The following PABPC1 variants were observed in gnomAD, a reference collection of about 807,000 sequenced individuals.
PABPC1 encodes the protein polyadenylate-binding protein 1.
Under a neutral mutation model 74.0 loss-of-function variants are expected in PABPC1, and 4 were observed. The ratio of observed to expected loss-of-function variants is 0.05; its 90% CI spans 0.03 to 0.12. The LOEUF is 0.12. PABPC1 is among the 10% of genes least tolerant of loss of function. PABPC1 has a pLI of 1.00. For missense variants in PABPC1, 271 were observed against 821.1 expected (o/e 0.33, Z 8.19); for synonymous variants, 227 against 264.1 (o/e 0.86, Z 1.36).
intron 4 of PABPC1, among the ~76,000 whole-genome samples, chr8:100,714,678 G>A (rs575023875): frequency 6.4e-4 from 97 of 152,166 alleles, no homozygotes; most frequent in African/African-American, 2.3e-3. Flanking sequence ...ACAATGAGCC[G>A]AGATCACGTG....
chr8:100,715,158 CAT>C (rs1189307757), intron 4 of PABPC1, among the ~76,000 whole-genome samples: 1,179 of 76,162 alleles, frequency 0.015, 7 homozygotes, highest in East Asian at 0.029. Context: ...CACACACACA[CAT>C]ATATATCTCC....
At chr8:100,704,054 C>CAAAAAA (rs34116624) in intron 14 of PABPC1, 14 of 177,840 alleles carry the variant, frequency 7.9e-5, no homozygotes, top group African/African-American at 3.5e-4. Context: ...AACTCCATCT[C>CAAAAAA]AAAAAAAAAA....
rs755829012 is a variant in PABPC1 at position 100,717,905 on chromosome 8, AC to A, written c.388-18del. 5 of 1,457,698 alleles carry A rather than the reference AC, an allele frequency of 3.4e-6. No individual in the cohort carries two copies. In the East Asian group the frequency reaches 9.6e-5, roughly 28 times the overall value. The allele number at this position is 1,457,698 out of a possible 1,614,324, so 90.3% of individuals were successfully genotyped here. A position where few individuals can be genotyped will look rare whatever the true frequency, so the allele number is the denominator to read the frequency against. On this transcript the variant is annotated intron_variant, in intron 2 of 14. Transcript: ENST00000318607. ...ACAAACCACCTAGGGAAAAACATAT[AC>A]CCATTTTTCTTTATTTGCTATTGAT...
At chr8:100,704,043 A>G in intron 14 of PABPC1, 1 of 371,546 alleles carries the variant, frequency 2.7e-6, no homozygotes, top group Non-Finnish European at 4.8e-6. Flanking sequence ...CGACAGAACG[A>G]AACTCCATCT....
intron 9 of PABPC1, 118 bp from the exon 10 acceptor site, chr8:100,707,115 T>A (rs1478603521): frequency 4.4e-6 from 3 of 674,322 alleles, no homozygotes; most frequent in African/African-American, 3.6e-5. Context: ...CAAAACTTTT[T>A]AAAGCTGAGT....
At position 100,713,229 on chromosome 8, in the gene PABPC1, C is replaced by T. The variant is rs1397334489; in HGVS notation, c.644-48G>A. ...TCAAAGATATTCCATACAACATTCACGTTATACATTTCAAATTTCAACATA... is the reference window on the plus strand; with the variant it reads ...TCAAAGATATTCCATACAACATTCATGTTATACATTTCAAATTTCAACATA... On this transcript the variant is annotated intron_variant, in intron 4 of 14. Transcript: ENST00000318607. The T allele has an allele frequency of 6.4e-6, 7 of 1,090,702 alleles. 1 individual carries two copies. Among genetic ancestry groups the T allele is most frequent in the South Asian group, 3.4e-5 (2 of 59,208 alleles). 67.6% of individuals were successfully genotyped at this position (1,090,702 alleles called of 1,614,324 possible).
intron 7 of PABPC1, among the ~76,000 whole-genome samples, chr8:100,710,258 G>A (rs1225498636): frequency 5.3e-5 from 8 of 152,178 alleles, no homozygotes; most frequent in South Asian, 2.1e-4. Context: ...CACTCAAGAG[G>A]AAGGTTCTTC....
intron 12 of PABPC1, among the ~76,000 whole-genome samples, chr8:100,705,356 T>C (rs953224584): frequency 3.9e-5 from 6 of 152,262 alleles, no homozygotes; most frequent in African/African-American, 1.4e-4. Context: ...CTCAAAAATG[T>C]AGTGAGGGCC....
intron 2 of PABPC1, 30 bp from the exon 3 acceptor site, chr8:100,717,918 T>C: frequency 3.4e-6 from 5 of 1,459,064 alleles, no homozygotes; most frequent in Non-Finnish European, 4.8e-6. Context: ...CATTTTTCTT[T>C]ATTTGCTATT....
Position 100,709,113 on chromosome 8 carries a change from T to G in PABPC1, c.1336+20A>C. Reference sequence around the variant, plus strand: ...TTTTTAACTCAATCCCCAACCTTAATTAAAAGAAAAAAGACTTACGATGAG... The same window carrying G: ...TTTTTAACTCAATCCCCAACCTTAAGTAAAAGAAAAAAGACTTACGATGAG... On this transcript the variant is annotated intron_variant, in intron 9 of 14. Transcript: ENST00000318607. 1 of 1,578,338 alleles carries G rather than the reference T, an allele frequency of 6.3e-7. No individual in the cohort carries two copies. Among genetic ancestry groups the G allele is most frequent in the Non-Finnish European group, 8.7e-7 (1 of 1,154,892 alleles).
intron 14 of PABPC1, 103 bp downstream of exon 14, chr8:100,704,194 G>A: frequency 1.1e-6 from 1 of 870,052 alleles, no homozygotes; most frequent in Non-Finnish European, 1.9e-6. Flanking sequence ...TAAATGAACT[G>A]TAAAATGATC....
In PABPC1 at chr8:100,712,409, G is replaced by A. The variant is rs776112793; in HGVS notation, c.925C>T (p.Arg309Cys). The A allele has an allele frequency of 4.4e-6, 7 of 1,609,134 alleles. No individual in the cohort carries two copies. Among genetic ancestry groups the A allele is most frequent in the South Asian group, 1.1e-5 (1 of 90,338 alleles). Residue 309 changes from arginine to cysteine, a missense_variant, in exon 7 of 15, where the codon CGT becomes TGT. Physicochemically the swap from Arg to Cys is radical, Grantham distance 180 (BLOSUM62 -3). Around this residue, in one of 7 missense-constraint regions of PABPC1, gnomAD observed 78 missense variants for 202.8 expected, o/e 0.38. Coordinates refer to ENST00000318607, the MANE Select transcript of PABPC1 (RefSeq NM_002568.4). ...AATGGAGAAAACTCTTTCCGGAGACGTTCATCATCAATACCATCATCAAGA... is the reference window on the plus strand; with the variant it reads ...AATGGAGAAAACTCTTTCCGGAGACATTCATCATCAATACCATCATCAAGA... ...KNLDDGIDDERLRKEFSPFGT... is the reference protein window; with the variant it reads ...KNLDDGIDDECLRKEFSPFGT...
At chr8:100,712,825 A>G in intron 5 of PABPC1, 36 bp from the exon 6 acceptor site, 1 of 1,523,604 alleles carries the variant, frequency 6.6e-7, no homozygotes, top group Non-Finnish European at 8.8e-7. Flanking sequence ...AAAAAATCAC[A>G]AAACTTTCAA....
At chr8:100,706,479 G>A (rs1057324915) in intron 11 of PABPC1, among the ~76,000 whole-genome samples, 172 bp downstream of exon 11, 2 of 151,804 alleles carry the variant, frequency 1.3e-5, no homozygotes, top group African/African-American at 4.8e-5. Flanking sequence ...GTGGAGACAG[G>A]GTCCTGTATG....
At chr8:100,715,172 G>A (rs1810637977) in intron 4 of PABPC1, among the ~76,000 whole-genome samples, 1 of 143,020 alleles carries the variant, frequency 7.0e-6, no homozygotes, top group Non-Finnish European at 1.5e-5. Context: ...TATATCTCCA[G>A]CCTCTTAATG....
chr8:100,712,489 G>A, intron 6 of PABPC1, 32 bp from the exon 7 acceptor site: 8 of 1,513,790 alleles, frequency 5.3e-6, no homozygotes, highest in Non-Finnish European at 7.2e-6. Context: ...TATAGAAAAA[G>A]AAAACCATGG....
In PABPC1 at chr8:100,705,454, C is replaced by A. The variant is rs1267581482; in HGVS notation, c.1687+135G>T. On this transcript the variant is annotated intron_variant, in intron 12 of 14. Transcript: ENST00000318607. ...CAGTGGTTTTAATTAGGCAGACCAACTGTACTATCATAATCATTCATGCCA... is the reference window on the plus strand; with the variant it reads ...CAGTGGTTTTAATTAGGCAGACCAAATGTACTATCATAATCATTCATGCCA... The A allele has an allele frequency of 6.9e-6, 5 of 721,636 alleles. No homozygotes were observed. The East Asian group carries it at 8.1e-5, about 12-fold the overall frequency. The allele number at this position is 721,636 out of a possible 1,614,324, so 44.7% of individuals were successfully genotyped here. A position where few individuals can be genotyped will look rare whatever the true frequency, so the allele number is the denominator to read the frequency against.
At chr8:100,712,317 G>T in intron 7 of PABPC1, 45 bp downstream of exon 7, 2 of 1,142,466 alleles carry the variant, frequency 1.8e-6, no homozygotes, top group South Asian at 1.4e-5. Context: ...CTACATGTAT[G>T]AATTTTTACT....
intron 4 of PABPC1, among the ~76,000 whole-genome samples, chr8:100,714,605 C>T (rs925435405): frequency 5.3e-5 from 8 of 152,200 alleles, no homozygotes; most frequent in South Asian, 2.1e-4. Context: ...GTGGCGCACA[C>T]CTGTAATCCC....
Sources: gnomAD v4.1 joint callset for allele counts (sites outside exome capture counted in the v4.1 genomes callset) on GRCh38, gnomAD v4.1.1 for gene constraint, gnomAD v4.1.1 regional missense constraint, MANE v1.5 for transcripts, NCBI Gene and HGNC (gene_info 2026-07-23, HGNC 2026-07-21) for gene names.